The following UFD1 variants were observed in gnomAD, a reference collection of about 807,000 sequenced individuals.
UFD1 encodes the protein ubiquitin recognition factor in ER-associated degradation protein 1.
UFD1 carries 13 observed loss-of-function variants against 45.9 expected under a neutral mutation model. The ratio of observed to expected loss-of-function variants is 0.28; its 90% CI spans 0.18 to 0.45. The LOEUF (loss-of-function observed/expected upper bound fraction) is 0.45, where lower values mean the gene tolerates loss of function less well. UFD1 is among the 20% of genes least tolerant of loss of function. The probability of loss-of-function intolerance (pLI) is 1.00; values close to 1 mark genes in which losing one functional copy is unlikely to be tolerated. For missense variants in UFD1, 218 were observed against 389.2 expected, an observed-to-expected ratio of 0.56 and a Z score of 3.70; for synonymous variants, 128 against 139.2, an observed-to-expected ratio of 0.92 and a Z score of 0.56.
In UFD1 at chr22:19,449,994, T is replaced by C. The variant is rs1441014749; in HGVS notation, c.*676A>G. 2 of 152,214 alleles carry C rather than the reference T, an allele frequency of 1.3e-5. No homozygotes were observed. Among genetic ancestry groups the C allele is most frequent in the African/African-American group, 4.8e-5 (2 of 41,452 alleles). The allele number at this position is 152,214 out of a possible 1,614,324, so 9.4% of individuals were successfully genotyped here. On this transcript the variant is annotated 3_prime_UTR_variant, in exon 12 of 12. Transcript: ENST00000263202. ...GGAACATCTCTTTAGCATTTGTTCA[T>C]TCTAACATTCACATGTTTGCTTCTC...
chr22:19,456,567 T>A lies in UFD1; in HGVS notation c.678+20A>T. On this transcript the variant is annotated intron_variant, in intron 9 of 11. Transcript: ENST00000263202. Reference sequence around the variant, plus strand: ...GGAGCAGAGGGCACAGCAATATAAGTCAAGTGGTCTGGTACTCACGCGGAA... The same window carrying A: ...GGAGCAGAGGGCACAGCAATATAAGACAAGTGGTCTGGTACTCACGCGGAA... 6.2e-7 allele frequency: 1 copy of A among 1,614,072 alleles called. No individual in the cohort carries two copies. The highest frequency in any genetic ancestry group is 8.5e-7 in the Non-Finnish European group (1 of 1,180,008).
intron 3 of UFD1, among the ~76,000 whole-genome samples, chr22:19,472,477 G>GC (rs1363702754): frequency 1.3e-5 from 2 of 152,172 alleles, no homozygotes; most frequent in Non-Finnish European, 2.9e-5. Flanking sequence ...GACATAGGAC[G>GC]CCCCCTCTCT....
At chr22:19,456,566 G>A (rs752356786) in intron 9 of UFD1, 21 bp downstream of exon 9, 2 of 1,614,160 alleles carry the variant, frequency 1.2e-6, no homozygotes, top group East Asian at 2.2e-5. Context: ...AGCAATATAA[G>A]TCAAGTGGTC....
chr22:19,470,935 A>G (rs1470381422), intron 4 of UFD1: 1 of 426,870 alleles, frequency 2.3e-6, no homozygotes, highest in Non-Finnish European at 4.6e-6. Context: ...AGTATGCCTG[A>G]TGTAATCCAA....
At chr22:19,453,096 T>C (rs2089695858) in intron 11 of UFD1, 1 of 985,314 alleles carries the variant, frequency 1.0e-6, no homozygotes. Context: ...GAGATAGTAG[T>C]CTAGAGACCT....
chr22:19,462,624 C>T (rs769774595), intron 6 of UFD1, among the ~76,000 whole-genome samples: 3 of 151,950 alleles, frequency 2.0e-5, no homozygotes, highest in Admixed American at 6.5e-5. Flanking sequence ...GAGCCAAGAT[C>T]GCGCCACTGC....
At chr22:19,467,613 C>A (rs2089812582) in intron 5 of UFD1, 1 of 426,552 alleles carries the variant, frequency 2.3e-6, no homozygotes, top group African/African-American at 2.1e-5. Flanking sequence ...CCAGGTGACA[C>A]AGACCAACTG....
intron 8 of UFD1, 50 bp from the exon 9 acceptor site, chr22:19,456,684 C>T (rs1366144333): frequency 6.2e-6 from 10 of 1,613,888 alleles, no homozygotes; most frequent in Non-Finnish European, 8.5e-6. Flanking sequence ...GGACACCCAG[C>T]TTCCCTCTCA....
chr22:19,457,029 T>C (rs924927890), intron 7 of UFD1, 111 bp from the exon 8 acceptor site: 19 of 767,110 alleles, frequency 2.5e-5, no homozygotes, highest in Non-Finnish European at 3.8e-5. Context: ...TAAGAAATAA[T>C]ACAAAAGATG....
intron 5 of UFD1, chr22:19,467,137 C>T (rs773464891): frequency 6.6e-6 from 1 of 151,510 alleles, no homozygotes; most frequent in African/African-American, 2.4e-5. Context: ...TCTTAACTTC[C>T]TATCTGTCTG....
chr22:19,469,787 AG>A, intron 4 of UFD1: 1 of 450,650 alleles, frequency 2.2e-6, no homozygotes, highest in East Asian at 7.0e-5. Flanking sequence ...AGGCCAGCTC[AG>A]GGGAAGAGGT....
intron 6 of UFD1, 129 bp from the exon 7 acceptor site, chr22:19,458,268 G>T: frequency 2.2e-6 from 2 of 925,340 alleles, no homozygotes; most frequent in Non-Finnish European, 1.7e-6. Context: ...ACAACCTACA[G>T]CTGCACTTCT....
intron 1 of UFD1, 149 bp from the exon 2 acceptor site, chr22:19,475,751 A>C (rs2089876884): frequency 3.9e-6 from 4 of 1,029,478 alleles, no homozygotes; most frequent in Non-Finnish European, 5.6e-6. Flanking sequence ...TAAATACAAA[A>C]CAGGCCATGC....
chr22:19,450,904 G>A (rs758471508), intron 11 of UFD1, 160 bp from the exon 12 acceptor site: 17 of 1,439,582 alleles, frequency 1.2e-5, no homozygotes, highest in Non-Finnish European at 1.3e-5. Flanking sequence ...AGGAGGCCTA[G>A]GTGGGAGGAT....
At chr22:19,452,464 T>TC (rs2089690484) in intron 11 of UFD1, 1 of 152,170 alleles carries the variant, frequency 6.6e-6, no homozygotes, top group South Asian at 2.1e-4. Context: ...GGAAAAAATT[T>TC]CCCCTCAGAA....
chr22:19,472,742 C>T (rs1312731095), intron 3 of UFD1, among the ~76,000 whole-genome samples: 3 of 152,166 alleles, frequency 2.0e-5, no homozygotes, highest in Non-Finnish European at 2.9e-5. Flanking sequence ...CCCCTTTTAT[C>T]TATGGGGAAA....
chr22:19,471,864 G>A, intron 3 of UFD1, 56 bp from the exon 4 acceptor site: 1 of 1,572,108 alleles, frequency 6.4e-7, no homozygotes. Context: ...CACCTGTTCG[G>A]CCCACGCCTT....
chr22:19,478,611 T>A (rs2089912468), intron 1 of UFD1, among the ~76,000 whole-genome samples: 1 of 152,192 alleles, frequency 6.6e-6, no homozygotes, highest in African/African-American at 2.4e-5. Context: ...ACAACACCGC[T>A]GTACAGATTC....
Position 19,467,894 on chromosome 22 carries a change from T to A in UFD1, c.401A>T (p.Asp134Val). ...KFQPQSPDFL[D>V]ITNPKAVLEN... is the part of the protein sequence containing the mutation. The stretch of plus-strand genomic sequence containing the variant: ...ATACACGGCTTTGGGGTTGGTGATG[T>A]CCAGGAAGTCAGGGCTCTGAGGTTG... Residue 134 changes from aspartate (D) to valine (V), a missense_variant, in exon 5 of 12, where the codon GAC becomes GTC. This residue lies in a region of UFD1 where 149 missense variants were observed against 307.5 expected (regional missense o/e 0.48). Coordinates refer to ENST00000263202, the MANE Select transcript of UFD1 (RefSeq NM_005659.7). The A allele has an allele frequency of 6.2e-7, 1 of 1,614,170 alleles. No homozygotes were observed. Among genetic ancestry groups the A allele is most frequent in the Non-Finnish European group, 8.5e-7 (1 of 1,180,028 alleles).
Sources: allele counts gnomAD v4.1 joint callset (sites outside exome capture counted in the v4.1 genomes callset), GRCh38; gene constraint gnomAD v4.1.1; regional missense constraint gnomAD v4.1.1; transcripts MANE v1.5; gene names NCBI Gene and HGNC (gene_info 2026-07-23, HGNC 2026-07-21).